SCEL: variants seen among roughly 807,000 people sequenced by gnomAD.
SCEL encodes sciellin.
Under a neutral mutation model 117.6 loss-of-function variants are expected in SCEL, and 113 were observed. The ratio of observed to expected loss-of-function variants is 0.96; its 90% CI spans 0.83 to 1.12. The LOEUF is 1.12. Among genes scored for constraint, SCEL ranks in the 50% most tolerant of loss-of-function variants. The pLI is 0.00. For synonymous variants in SCEL, 270 were observed against 256.2 expected, an observed-to-expected ratio of 1.05 and a Z score of -0.51; for missense variants, 785 against 810.8, an observed-to-expected ratio of 0.97 and a Z score of 0.39.
chr13:77,572,876 A>T (rs879398095), intron 9 of SCEL, among the ~76,000 whole-genome samples: 4 of 152,218 alleles, frequency 2.6e-5, no homozygotes, highest in Non-Finnish European at 4.4e-5. Context: ...GAGGGGACAC[A>T]ACCCTTAACA....
At chr13:77,640,891 A>G in intron 31 of SCEL, 107 bp downstream of exon 31, 1 of 581,364 alleles carries the variant, frequency 1.7e-6, no homozygotes, top group Non-Finnish European at 3.0e-6. Flanking sequence ...TTTCAGAAGC[A>G]CTGTCAGCCA....
intron 21 of SCEL, among the ~76,000 whole-genome samples, 182 bp downstream of exon 21, chr13:77,609,299 C>T (rs1186921986): frequency 6.6e-6 from 1 of 152,182 alleles, no homozygotes; most frequent in Non-Finnish European, 1.5e-5. Flanking sequence ...TACAATGAGA[C>T]AATTACTCTT....
chr13:77,633,957 A>T (rs1043009642), intron 28 of SCEL, among the ~76,000 whole-genome samples: 1 of 152,254 alleles, frequency 6.6e-6, no homozygotes, highest in East Asian at 1.9e-4. Flanking sequence ...CTTTAGGTAG[A>T]TCTAAAGGCT....
chr13:77,571,330 G>A (rs1173577285), intron 8 of SCEL, among the ~76,000 whole-genome samples: 3 of 146,442 alleles, frequency 2.0e-5, no homozygotes, highest in Non-Finnish European at 3.0e-5. Flanking sequence ...GCAGTGAGCC[G>A]AGATCGCGCC....
At chr13:77,598,543 C>T (rs865793577) in intron 13 of SCEL, among the ~76,000 whole-genome samples, 3 of 152,152 alleles carry the variant, frequency 2.0e-5, no homozygotes, top group Middle Eastern at 3.2e-3. Flanking sequence ...GTGATAACTG[C>T]GGCCAAAAGG....
rs201773575 is a variant in SCEL, at chr13:77,599,749, G to A, written c.917+1G>A. ...CCCGGACAGATAAAGATGGCAAAGGGTAAGATTTTATTAAGACAGACCATT... is the reference window on the plus strand; with the variant it reads ...CCCGGACAGATAAAGATGGCAAAGGATAAGATTTTATTAAGACAGACCATT... On this transcript the variant is annotated splice_donor_variant, in intron 15 of 32. Coordinates refer to ENST00000349847, the MANE Select transcript of SCEL (RefSeq NM_144777.3). LOFTEE classifies it high-confidence loss of function. 9.4e-6 allele frequency: 15 copies of A among 1,603,756 alleles called. No individual in the cohort carries two copies. Among genetic ancestry groups the A allele is most frequent in the Non-Finnish European group, 1.2e-5 (14 of 1,170,634 alleles).
intron 4 of SCEL, among the ~76,000 whole-genome samples, chr13:77,560,424 A>C (rs1593931602): frequency 6.6e-6 from 1 of 152,232 alleles, no homozygotes; most frequent in East Asian, 1.9e-4. Flanking sequence ...GTGACGGAAG[A>C]AGACCCTGTT....
At chr13:77,613,153 A>G (rs2088787464) in intron 23 of SCEL, among the ~76,000 whole-genome samples, 1 of 152,124 alleles carries the variant, frequency 6.6e-6, no homozygotes, top group Admixed American at 6.6e-5. Context: ...TATTGAAGCT[A>G]ATTCTGTGTA....
At chr13:77,540,092 T>C (rs1443760272) in intron 1 of SCEL, among the ~76,000 whole-genome samples, 3 of 152,220 alleles carry the variant, frequency 2.0e-5, no homozygotes, top group African/African-American at 2.4e-5. Context: ...ACGTATCATA[T>C]ATCAACGAGA....
intron 31 of SCEL, among the ~76,000 whole-genome samples, 167 bp from the exon 32 acceptor site, chr13:77,642,539 T>G (rs1243134905): frequency 6.6e-6 from 1 of 152,186 alleles, no homozygotes; most frequent in Admixed American, 6.5e-5. Context: ...GTCCTTGGCA[T>G]AAACAATTTC....
chr13:77,621,936 C>G (rs762193549), intron 27 of SCEL, among the ~76,000 whole-genome samples: 5 of 152,196 alleles, frequency 3.3e-5, no homozygotes, highest in Non-Finnish European at 7.3e-5. Context: ...AATTGCCTAA[C>G]TGCTCTGTGG....
At chr13:77,567,788 A>G in intron 6 of SCEL, 40 bp downstream of exon 6, 1 of 1,307,934 alleles carries the variant, frequency 7.6e-7, no homozygotes, top group Non-Finnish European at 1.1e-6. Flanking sequence ...CTCAAGTATA[A>G]TATTTTTCTA....
intron 9 of SCEL, among the ~76,000 whole-genome samples, chr13:77,588,936 A>C (rs1468453137): frequency 6.6e-6 from 1 of 152,212 alleles, no homozygotes; most frequent in Non-Finnish European, 1.5e-5. Context: ...GAACCTGATT[A>C]AATAAACTTT....
intron 4 of SCEL, among the ~76,000 whole-genome samples, chr13:77,562,871 G>C (rs931819650): frequency 6.6e-6 from 1 of 152,066 alleles, no homozygotes; most frequent in Admixed American, 6.5e-5. Context: ...TAAATCTTTA[G>C]TATCTAGTCT....
At chr13:77,641,555 A>G (rs1004007375) in intron 31 of SCEL, among the ~76,000 whole-genome samples, 1 of 152,186 alleles carries the variant, frequency 6.6e-6, no homozygotes, top group Non-Finnish European at 1.5e-5. Context: ...TATTATAATC[A>G]TCTGGGGAGA....
chr13:77,555,548 C>G (rs1044989386), intron 1 of SCEL, among the ~76,000 whole-genome samples: 17 of 152,222 alleles, frequency 1.1e-4, no homozygotes, highest in African/African-American at 4.1e-4. Context: ...GCCAGGCAGA[C>G]TGTAAGCATT....
At chr13:77,549,836 C>A (rs2084203382) in intron 1 of SCEL, among the ~76,000 whole-genome samples, 1 of 152,094 alleles carries the variant, frequency 6.6e-6, no homozygotes, top group Non-Finnish European at 1.5e-5. Flanking sequence ...GATACAGATG[C>A]ATACCAGGGA....
intron 12 of SCEL, among the ~76,000 whole-genome samples, chr13:77,596,281 C>G (rs917994449): frequency 1.3e-5 from 2 of 151,674 alleles, no homozygotes; most frequent in African/African-American, 4.8e-5. Flanking sequence ...TGCAGTGAGC[C>G]AAGATCATGC....
chr13:77,584,534 G>A (rs1488104680), intron 9 of SCEL, among the ~76,000 whole-genome samples: 2 of 151,982 alleles, frequency 1.3e-5, no homozygotes, highest in South Asian at 2.1e-4. Flanking sequence ...CCTGATCCAC[G>A]CAATCCATAT....
Sources: gnomAD v4.1 joint callset for allele counts (sites outside exome capture counted in the v4.1 genomes callset) on GRCh38, gnomAD v4.1.1 for gene constraint, MANE v1.5 for transcripts, NCBI Gene and HGNC (gene_info 2026-07-23, HGNC 2026-07-21) for gene names.